IQCM: variants seen among roughly 807,000 people sequenced by gnomAD.
IQCM encodes IQ motif containing M, also known as IQ domain-containing protein M.
Under a neutral mutation model 57.6 loss-of-function variants are expected in IQCM, and 45 were observed. That is an observed-to-expected ratio of 0.78 (90% CI 0.62 to 1.00). The LOEUF (loss-of-function observed/expected upper bound fraction) is 1.00. Ranked by LOEUF, IQCM falls within the 50% of genes least tolerant of loss-of-function variation. The pLI is 0.00. For missense variants in IQCM, 468 were observed against 511.6 expected (o/e 0.91, Z 0.82); for synonymous variants, 148 against 158.9 (o/e 0.93, Z 0.51).
intron 7 of IQCM, among the ~76,000 whole-genome samples, chr4:149,672,745 C>T (rs895653367): frequency 9.9e-5 from 15 of 152,004 alleles, no homozygotes; most frequent in Non-Finnish European, 1.3e-4. Context: ...TAGGAAGGCA[C>T]GCCAACATTC....
At chr4:149,743,346 G>A (rs1767635495) in intron 2 of IQCM, among the ~76,000 whole-genome samples, 4 of 151,964 alleles carry the variant, frequency 2.6e-5, no homozygotes, top group African/African-American at 7.3e-5. Flanking sequence ...CTTTTCCTGT[G>A]ATCTGTTCCT....
chr4:149,689,813 C>A (rs1467206911), intron 5 of IQCM, among the ~76,000 whole-genome samples: 1 of 151,964 alleles, frequency 6.6e-6, no homozygotes. Context: ...AAATGCCCAA[C>A]AAACATATGA....
At chr4:149,669,781 G>A (rs1219562812) in intron 7 of IQCM, among the ~76,000 whole-genome samples, 5 of 152,066 alleles carry the variant, frequency 3.3e-5, no homozygotes, top group East Asian at 1.9e-4. Flanking sequence ...AAGATCAGAC[G>A]GTTGTAGGTG....
Position 149,351,883 on chromosome 4 carries a change from C to G in IQCM, c.*68G>C. 1 of 397,690 alleles carries G rather than the reference C, an allele frequency of 2.5e-6. No homozygotes were observed. The allele number at this position is 397,690 out of a possible 1,614,324, so 24.6% of individuals were successfully genotyped here. A position where few individuals can be genotyped will look rare whatever the true frequency, so the allele number is the denominator to read the frequency against. On this transcript the variant is annotated 3_prime_UTR_variant, in exon 14 of 14. Transcript: ENST00000636793. Reference sequence around the variant, plus strand: ...TCCTACTCATACAGAATTGATCCACCTCCAGTGTTAACTTGTCTCTTTGGG... The same window carrying G: ...TCCTACTCATACAGAATTGATCCACGTCCAGTGTTAACTTGTCTCTTTGGG...
At chr4:149,712,593 T>A (rs1764652840) in intron 5 of IQCM, among the ~76,000 whole-genome samples, 1 of 152,164 alleles carries the variant, frequency 6.6e-6, no homozygotes, top group African/African-American at 2.4e-5. Flanking sequence ...ATTTAACCAC[T>A]GAGGATGGAA....
intron 12 of IQCM, among the ~76,000 whole-genome samples, chr4:149,525,885 C>T (rs1019605671): frequency 5.9e-5 from 9 of 151,374 alleles, no homozygotes; most frequent in Non-Finnish European, 1.0e-4. Context: ...GTAAAATGTG[C>T]ATCAGTAAGA....
At chr4:149,579,640 A>AT in intron 9 of IQCM, among the ~76,000 whole-genome samples, 1 of 152,080 alleles carries the variant, frequency 6.6e-6, no homozygotes, top group East Asian at 1.9e-4. Flanking sequence ...GGACCTTTGC[A>AT]TAAGAGGCAA....
chr4:149,664,797 T>C (rs187488311), intron 7 of IQCM, among the ~76,000 whole-genome samples: 15 of 152,280 alleles, frequency 9.9e-5, no homozygotes, highest in Admixed American at 7.2e-4. Context: ...GTCAGGTGGC[T>C]GTGGGTTGGT....
chr4:149,417,924 T>C (rs947414641), intron 13 of IQCM, among the ~76,000 whole-genome samples: 2 of 150,858 alleles, frequency 1.3e-5, no homozygotes, highest in Non-Finnish European at 2.9e-5. Context: ...TGAATGATAA[T>C]TATCACCTAT....
intron 10 of IQCM, 113 bp downstream of exon 10, chr4:149,563,579 T>C: frequency 2.8e-6 from 2 of 723,250 alleles, no homozygotes; most frequent in Non-Finnish European, 3.8e-6. Flanking sequence ...ACAGCAAAAC[T>C]CTATCTCCAA....
At chr4:149,673,635 G>C (rs1447396549) in intron 7 of IQCM, among the ~76,000 whole-genome samples, 1 of 152,056 alleles carries the variant, frequency 6.6e-6, no homozygotes. Flanking sequence ...AGTCCTTAGA[G>C]ACCTACAAAG....
At chr4:149,663,554 G>A (rs1209954994) in intron 7 of IQCM, among the ~76,000 whole-genome samples, 1 of 151,968 alleles carries the variant, frequency 6.6e-6, no homozygotes, top group Non-Finnish European at 1.5e-5. Context: ...GGAAACCTTT[G>A]ATAGGTATAT....
chr4:149,356,674 A>G (rs1198184926), intron 13 of IQCM, among the ~76,000 whole-genome samples: 1 of 152,208 alleles, frequency 6.6e-6, no homozygotes, highest in Non-Finnish European at 1.5e-5. Context: ...GAAGTCAGGT[A>G]GCATGATGCC....
At chr4:149,645,641 C>T (rs777456403) in intron 7 of IQCM, among the ~76,000 whole-genome samples, 1 of 152,080 alleles carries the variant, frequency 6.6e-6, no homozygotes, top group Non-Finnish European at 1.5e-5. Context: ...ATTGAAAAAT[C>T]CCTTCTTTTT....
intron 12 of IQCM, among the ~76,000 whole-genome samples, chr4:149,471,328 T>C (rs1004273878): frequency 2.0e-5 from 3 of 152,118 alleles, no homozygotes; most frequent in African/African-American, 7.2e-5. Context: ...CATCAGAGAA[T>C]ACTATAAACA....
chr4:149,632,916 C>T (rs1221868033), intron 7 of IQCM, among the ~76,000 whole-genome samples: 1 of 151,170 alleles, frequency 6.6e-6, no homozygotes, highest in African/African-American at 2.4e-5. Flanking sequence ...AATCCCAGCA[C>T]TTTGGGAGGC....
intron 12 of IQCM, among the ~76,000 whole-genome samples, chr4:149,527,995 T>G (rs899459002): frequency 9.2e-5 from 14 of 151,648 alleles, no homozygotes; most frequent in Admixed American, 7.9e-4. Flanking sequence ...TTTGTTTTTT[T>G]TTTTTTTTGA....
chr4:149,663,545 G>A (rs1201440663), intron 7 of IQCM, among the ~76,000 whole-genome samples: 3 of 151,952 alleles, frequency 2.0e-5, no homozygotes, highest in Admixed American at 1.3e-4. Context: ...ATTTCTGAAG[G>A]AAACCTTTGA....
intron 12 of IQCM, among the ~76,000 whole-genome samples, chr4:149,492,152 A>C (rs1232588255): frequency 6.6e-6 from 1 of 152,072 alleles, no homozygotes; most frequent in Non-Finnish European, 1.5e-5. Flanking sequence ...TTTGGATATT[A>C]ACCTCTTATC....
Sources: allele counts gnomAD v4.1 joint callset (sites outside exome capture counted in the v4.1 genomes callset), GRCh38; gene constraint gnomAD v4.1.1; transcripts MANE v1.5; gene names NCBI Gene and HGNC (gene_info 2026-07-23, HGNC 2026-07-21).